Variants in RAB3B observed in about 807,000 individuals in gnomAD.
The protein encoded by RAB3B is RAB3B, member RAS oncogene family, also known as ras-related protein Rab-3B.
Under a neutral mutation model 20.5 loss-of-function variants are expected in RAB3B, and 11 were observed. The ratio of observed to expected loss-of-function variants is 0.54; its 90% confidence interval spans 0.34 to 0.89. The LOEUF (loss-of-function observed/expected upper bound fraction) is 0.89. Ranked by LOEUF, RAB3B falls within the 40% of genes least tolerant of loss-of-function variation. The probability of loss-of-function intolerance (pLI) is 0.02; values close to 1 mark genes in which losing one functional copy is unlikely to be tolerated. For missense variants in RAB3B, 225 were observed against 280.9 expected (o/e 0.80, Z 1.42); for synonymous variants, 99 against 106.3 (o/e 0.93, Z 0.42).
intron 1 of RAB3B, among the ~76,000 whole-genome samples, chr1:51,981,003 G>A (rs183172021): frequency 1.0e-3 from 157 of 152,154 alleles, no homozygotes; most frequent in African/African-American, 3.6e-3. Flanking sequence ...TTTTTTACCA[G>A]CTGTAGCTCA....
At chr1:51,978,134 C>CCCTTGTATCACT (rs1685034862) in intron 1 of RAB3B, among the ~76,000 whole-genome samples, 1 of 152,214 alleles carries the variant, frequency 6.6e-6, no homozygotes, top group Non-Finnish European at 1.5e-5. Flanking sequence ...ACTGTAACAG[C>CCCTTGTATCACT]CCTTGTATCA....
intron 2 of RAB3B, among the ~76,000 whole-genome samples, chr1:51,956,645 C>A (rs1269488845): frequency 6.6e-6 from 1 of 152,212 alleles, no homozygotes; most frequent in Non-Finnish European, 1.5e-5. Flanking sequence ...CACCCTCTGC[C>A]TGGATCAGCC....
At chr1:51,989,647 C>A (rs968313143) in intron 1 of RAB3B, among the ~76,000 whole-genome samples, 3 of 151,954 alleles carry the variant, frequency 2.0e-5, no homozygotes, top group African/African-American at 7.2e-5. Context: ...TATTCCAGAG[C>A]CTCCTCTCCA....
At chr1:51,927,242 A>T (rs1056049385) in intron 4 of RAB3B, among the ~76,000 whole-genome samples, 9 of 152,170 alleles carry the variant, frequency 5.9e-5, no homozygotes, top group Non-Finnish European at 4.4e-5. Flanking sequence ...ATGAATGCGG[A>T]ATTGGGTAAA....
At chr1:51,961,584 C>G (rs1239366736) in intron 2 of RAB3B, among the ~76,000 whole-genome samples, 1 of 152,086 alleles carries the variant, frequency 6.6e-6, no homozygotes, top group African/African-American at 2.4e-5. Context: ...CTCATCTGTT[C>G]TGGGCACCAT....
At chr1:51,975,095 T>C (rs1348601234) in intron 2 of RAB3B, among the ~76,000 whole-genome samples, 3 of 152,134 alleles carry the variant, frequency 2.0e-5, no homozygotes, top group African/African-American at 7.2e-5. Context: ...ACGCCTATAA[T>C]TGAAGCTACT....
At chr1:51,979,672 G>A (rs922632038) in intron 1 of RAB3B, among the ~76,000 whole-genome samples, 5 of 152,222 alleles carry the variant, frequency 3.3e-5, no homozygotes, top group African/African-American at 1.2e-4. Context: ...ATTCACAAGA[G>A]AAAATTTCTA....
At chr1:51,947,212 A>ATT (rs1684577074) in intron 2 of RAB3B, among the ~76,000 whole-genome samples, 1 of 152,140 alleles carries the variant, frequency 6.6e-6, no homozygotes, top group African/African-American at 2.4e-5. Context: ...CCTGGGCAAT[A>ATT]TGGTGAAACC....
chr1:51,921,861 CT>C (rs562503522), intron 4 of RAB3B, among the ~76,000 whole-genome samples: 215 of 152,368 alleles, frequency 1.4e-3, no homozygotes, highest in Admixed American at 2.9e-3. Flanking sequence ...GGAGGGATCT[CT>C]TTCCCCCCTC....
intron 2 of RAB3B, among the ~76,000 whole-genome samples, chr1:51,943,208 A>C (rs1339941166): frequency 6.6e-6 from 1 of 152,142 alleles, no homozygotes; most frequent in Non-Finnish European, 1.5e-5. Context: ...ACATGGCGAA[A>C]TCCTGTCTCT....
rs563283216 is a variant in RAB3B, at chr1:51,960,685, C to T, written c.228+16205G>A. ...TCTCCAGCCTTAGATGGCAACTGGA[C>T]GTCTTCAGGGGCAGAGCACTGCTGC... On this transcript the variant is annotated intron_variant, in intron 2 of 4. Transcript: ENST00000371655. 3.3e-5 allele frequency among the ~76,000 whole-genome samples: 5 copies of T among 152,250 alleles called. No homozygotes were observed. The East Asian group carries it at 9.7e-4, about 29-fold the overall frequency.
At chr1:51,989,257 T>TGTGTGTGTGTGTGTGTGTGTG (rs1557980860) in intron 1 of RAB3B, among the ~76,000 whole-genome samples, 4 of 143,390 alleles carry the variant, frequency 2.8e-5, no homozygotes, top group African/African-American at 7.6e-5. Context: ...TGTGTGTGTG[T>TGTGTGTGTGTGTGTGTGTGTG]TTTGAGGGCC....
At chr1:51,964,813 C>T (rs1330217731) in intron 2 of RAB3B, among the ~76,000 whole-genome samples, 2 of 152,230 alleles carry the variant, frequency 1.3e-5, no homozygotes, top group African/African-American at 2.4e-5. Context: ...GTTCAAGCCA[C>T]CATCATTCCC....
chr1:51,959,209 G>A (rs1483449531), intron 2 of RAB3B, among the ~76,000 whole-genome samples: 1 of 152,088 alleles, frequency 6.6e-6, no homozygotes, highest in Non-Finnish European at 1.5e-5. Context: ...AAGTCAAATG[G>A]GAGTTTGCTG....
intron 2 of RAB3B, among the ~76,000 whole-genome samples, chr1:51,939,862 T>G (rs557652069): frequency 1.7e-3 from 254 of 152,344 alleles, no homozygotes; most frequent in African/African-American, 5.9e-3. Context: ...GGCATGAGCC[T>G]GTAAAGCCCA....
At chr1:51,972,177 A>AG (rs1369747699) in intron 2 of RAB3B, among the ~76,000 whole-genome samples, 5 of 152,202 alleles carry the variant, frequency 3.3e-5, no homozygotes, top group Admixed American at 3.3e-4. Context: ...TCTATCTCAA[A>AG]GAAAAAAAAG....
chr1:51,959,138 T>G (rs1684751662), intron 2 of RAB3B, among the ~76,000 whole-genome samples: 1 of 151,868 alleles, frequency 6.6e-6, no homozygotes, highest in Non-Finnish European at 1.5e-5. Flanking sequence ...TGCCACTGAG[T>G]TGCGGGGAGG....
intron 4 of RAB3B, among the ~76,000 whole-genome samples, chr1:51,927,866 T>C (rs534141784): frequency 2.0e-5 from 3 of 152,248 alleles, no homozygotes; most frequent in African/African-American, 7.2e-5. Context: ...GGCAGAAGCA[T>C]ATTTCCCTTT....
intron 1 of RAB3B, among the ~76,000 whole-genome samples, chr1:51,986,379 T>A (rs1293197581): frequency 6.6e-6 from 1 of 152,034 alleles, no homozygotes; most frequent in African/African-American, 2.4e-5. Context: ...CTCGGTCTCC[T>A]GACCTTGTGA....
Sources: allele counts gnomAD v4.1 joint callset (sites outside exome capture counted in the v4.1 genomes callset), GRCh38; gene constraint gnomAD v4.1.1; transcripts MANE v1.5; gene names NCBI Gene and HGNC (gene_info 2026-07-23, HGNC 2026-07-21).